Variants in ENPP7 observed in about 807,000 individuals in gnomAD.
ENPP7 encodes the protein ectonucleotide pyrophosphatase/phosphodiesterase family member 7.
Under a neutral mutation model 33.6 loss-of-function variants are expected in ENPP7, and 39 were observed. The observed-to-expected ratio is 1.16, with a 90% CI of 0.90 to 1.52. The LOEUF (loss-of-function observed/expected upper bound fraction) is 1.52, where lower values mean the gene tolerates loss of function less well. Ranked by LOEUF, ENPP7 falls within the 40% of genes most tolerant of loss-of-function variation. The probability of loss-of-function intolerance (pLI) is 0.00; values close to 1 mark genes in which losing one functional copy is unlikely to be tolerated. For missense variants in ENPP7, 594 were observed against 641.0 expected (o/e 0.93, Z 0.79); for synonymous variants, 244 against 274.3 (o/e 0.89, Z 1.09).
rs906007598 is a variant in ENPP7 at position 79,735,596 on chromosome 17, C to T, written c.953C>T (p.Ala318Val). The T allele has an allele frequency of 3.7e-6, 6 of 1,613,734 alleles. No homozygotes were observed. Among genetic ancestry groups the T allele is most frequent in the Non-Finnish European group, 5.1e-6 (6 of 1,180,028 alleles). The change falls in exon 3 of 6, where the codon GCC (alanine) becomes GTC (valine). Residue 318 changes from alanine to valine, a missense_variant. Physicochemically the swap from Ala to Val is moderately conservative, Grantham distance 64. Around this residue, in one of 3 missense-constraint regions of ENPP7, gnomAD observed 504 missense variants for 512.8 expected, o/e 0.98. Coordinates refer to ENST00000328313, the MANE Select transcript of ENPP7 (RefSeq NM_178543.5). This position sits in a 1 kb window ranked among gnomAD's most constrained non-coding sequence, Gnocchi z 5.5. ...HVYKKEAFPE[A>V]FHYANNPRVT... ...TACAAGAAGGAGGCGTTCCCCGAGG[C>T]CTTCCACTACGCCAACAACCCCAGG...
At chr17:79,734,329 C>T (rs1303329660) in intron 2 of ENPP7, among the ~76,000 whole-genome samples, 2 of 152,212 alleles carry the variant, frequency 1.3e-5, no homozygotes, top group Non-Finnish European at 2.9e-5. Flanking sequence ...CATAGACACA[C>T]TCAGGGCTCC....
intron 3 of ENPP7, among the ~76,000 whole-genome samples, chr17:79,736,334 T>C (rs2094295704): frequency 6.6e-6 from 1 of 152,238 alleles, no homozygotes; most frequent in African/African-American, 2.4e-5. Flanking sequence ...CCACTGCGTC[T>C]GGCCTCTCCT....
chr17:79,732,053 G>A (rs1467153769), intron 1 of ENPP7, among the ~76,000 whole-genome samples: 7 of 145,338 alleles, frequency 4.8e-5, no homozygotes, highest in African/African-American at 1.8e-4. Flanking sequence ...AGCTGAGATC[G>A]CACCACTGCA....
Position 79,737,098 on chromosome 17 carries a change from A to T in ENPP7, c.1084A>T (p.Met362Leu). 1.2e-6 allele frequency: 2 copies of T among 1,614,188 alleles called. No individual in the cohort carries two copies. The highest frequency in any genetic ancestry group is 1.7e-6 in the Non-Finnish European group (2 of 1,180,030). The change falls in exon 4 of 6, where the codon ATG becomes TTG. Residue 362 changes from methionine (M) to leucine (L), a missense_variant. Met to Leu is a conservative substitution (Grantham distance 15). Transcript: ENST00000328313. This position sits in a 1 kb window ranked among gnomAD's most constrained non-coding sequence, Gnocchi z 5.5. Reference sequence around the variant, plus strand: ...CGGCTTTGACAACAAGGACATGGACATGAAGACCATCTTCCGCGCTGTGGG... The same window carrying T: ...CGGCTTTGACAACAAGGACATGGACTTGAAGACCATCTTCCGCGCTGTGGG... Reference protein sequence around the residue: ...EHGFDNKDMDMKTIFRAVGPS... With the variant: ...EHGFDNKDMDLKTIFRAVGPS...
At chr17:79,741,565 C>T (rs942526741) in intron 5 of ENPP7, among the ~76,000 whole-genome samples, 1 of 152,070 alleles carries the variant, frequency 6.6e-6, no homozygotes, top group Non-Finnish European at 1.5e-5. Flanking sequence ...ACACCTGCCC[C>T]GCACCTGTGC....
At chr17:79,733,767 G>A (rs967846459) in intron 2 of ENPP7, 114 bp downstream of exon 2, 59 of 1,142,526 alleles carry the variant, frequency 5.2e-5, no homozygotes, top group East Asian at 1.0e-4. Flanking sequence ...CCAGGGTCTC[G>A]GGGCTCCTGG....
At chr17:79,736,536 C>CACGTGTGTGTGT (rs1317944325) in intron 3 of ENPP7, among the ~76,000 whole-genome samples, 32 of 146,116 alleles carry the variant, frequency 2.2e-4, no homozygotes, top group African/African-American at 8.0e-4. Context: ...GTGTGATAGG[C>CACGTGTGTGTGT]GTGTGTGTGT....
At position 79,735,172 on chromosome 17, in the gene ENPP7, G is replaced by T. The variant is rs201376309; in HGVS notation, c.529G>T (p.Asp177Tyr). The change falls in exon 3 of 6, where the codon GAC becomes TAC. Residue 177 changes from aspartate to tyrosine, a missense_variant. Coordinates refer to ENST00000328313, the MANE Select transcript of ENPP7 (RefSeq NM_178543.5). This position sits in a 1 kb window ranked among gnomAD's most constrained non-coding sequence, Gnocchi z 5.5. ...KNETEWRANI[D>Y]TVMAWFTEED... ...TGAGACGGAGTGGAGAGCGAACATC[G>T]ACACAGTGATGGCGTGGTTCACAGA... 1 of 1,613,258 alleles carries T rather than the reference G, an allele frequency of 6.2e-7. No individual in the cohort carries two copies. The highest frequency in any genetic ancestry group is 8.5e-7 in the Non-Finnish European group (1 of 1,180,018).
intron 1 of ENPP7, among the ~76,000 whole-genome samples, chr17:79,732,132 G>A (rs186781436): frequency 0.41 from 17,754 of 43,382 alleles, 3,352 homozygotes; most frequent in Non-Finnish European, 0.46. Flanking sequence ...ATATATATAT[G>A]TATATATATA....
chr17:79,731,422 G>A (rs1358121228), intron 1 of ENPP7, 30 bp downstream of exon 1: 2 of 1,586,648 alleles, frequency 1.3e-6, no homozygotes, highest in African/African-American at 2.7e-5. Context: ...GGGGCCTGGG[G>A]GTGGGAGGGC....
rs1555823185 is a variant in ENPP7, at chr17:79,735,038, G to A, written c.400-5G>A. On this transcript the variant is annotated splice_region_variant and splice_polypyrimidine_tract_variant and intron_variant, in intron 2 of 5. Transcript: ENST00000328313. This position sits in a 1 kb window ranked among gnomAD's most constrained non-coding sequence, Gnocchi z 5.5. ...TCCTGTCTTTCACGCTGCCTTGTCT[G>A]GCAGGGCCTGAGGGCTGGCTCCTTC... 2 of 1,612,102 alleles carry A rather than the reference G, an allele frequency of 1.2e-6. No homozygotes were observed. The highest frequency in any genetic ancestry group is 1.7e-6 in the Non-Finnish European group (2 of 1,179,370).
Position 79,733,501 on chromosome 17 carries a change from C to A in ENPP7, c.254-7C>A. ...CCCGCCGCCCTCTGCACCTCTTCCTCCCTCAGGCAAATATATCGAGAACCA... is the reference window on the plus strand; with the variant it reads ...CCCGCCGCCCTCTGCACCTCTTCCTACCTCAGGCAAATATATCGAGAACCA... On this transcript the variant is annotated splice_region_variant and splice_polypyrimidine_tract_variant and intron_variant, in intron 1 of 5. Coordinates refer to ENST00000328313, the MANE Select transcript of ENPP7 (RefSeq NM_178543.5). 2 of 1,612,200 alleles carry A rather than the reference C, an allele frequency of 1.2e-6. No homozygotes were observed. The highest frequency in any genetic ancestry group is 8.5e-7 in the Non-Finnish European group (1 of 1,179,316).
chr17:79,734,795 AC>A (rs782490522), intron 2 of ENPP7, among the ~76,000 whole-genome samples: 1 of 152,052 alleles, frequency 6.6e-6, no homozygotes, highest in Non-Finnish European at 1.5e-5. Flanking sequence ...ACATCTTTAT[AC>A]TGATGTCTTG....
At position 79,737,032 on chromosome 17, in the gene ENPP7, C is replaced by A; in HGVS notation, c.1027-9C>A. 1 of 1,613,560 alleles carries A rather than the reference C, an allele frequency of 6.2e-7. No homozygotes were observed. The highest frequency in any genetic ancestry group is 8.5e-7 in the Non-Finnish European group (1 of 1,179,702). On this transcript the variant is annotated splice_polypyrimidine_tract_variant and intron_variant, in intron 3 of 5. Transcript: ENST00000328313. This position sits in a 1 kb window ranked among gnomAD's most constrained non-coding sequence, Gnocchi z 5.5. ...CAAGGACCCAGGACCCTTGCCCGCT[C>A]CCCGGCAGAGAATTAACGTCCAGTT...
At chr17:79,741,512 A>T (rs1262174332) in intron 5 of ENPP7, among the ~76,000 whole-genome samples, 2 of 149,044 alleles carry the variant, frequency 1.3e-5, no homozygotes, top group African/African-American at 4.9e-5. Context: ...CAGCCCTGGG[A>T]GAAGGGTCTG....
In ENPP7 at chr17:79,735,216, C is replaced by T; in HGVS notation, c.573C>T (p.Val191=). ...AWFTEEDLDL[V]TLYFGEPDST... ...TCACAGAGGAGGACCTGGATCTGGTCACACTCTACTTCGGGGAGCCGGACT... is the reference window on the plus strand; with the variant it reads ...TCACAGAGGAGGACCTGGATCTGGTTACACTCTACTTCGGGGAGCCGGACT... Residue 191 remains valine (V), a synonymous_variant, in exon 3 of 6, where the codon GTC becomes GTT. Coordinates refer to ENST00000328313, the MANE Select transcript of ENPP7 (RefSeq NM_178543.5). This position sits in a 1 kb window ranked among gnomAD's most constrained non-coding sequence, Gnocchi z 5.5. 6.2e-7 allele frequency: 1 copy of T among 1,613,438 alleles called. No homozygotes were observed. Among genetic ancestry groups the T allele is most frequent in the Non-Finnish European group, 8.5e-7 (1 of 1,180,026 alleles).
In ENPP7 at chr17:79,735,544, A is replaced by G. The variant is rs1555823412; in HGVS notation, c.901A>G (p.Lys301Glu). Residue 301 changes from lysine to glutamate, a missense_variant, in exon 3 of 6, where the codon AAG (lysine) becomes GAG (glutamate). Lys to Glu is a moderately conservative substitution (Grantham distance 56). Transcript: ENST00000328313. This position sits in a 1 kb window ranked among gnomAD's most constrained non-coding sequence, Gnocchi z 5.5. ...GCTGGAGAAGGTGTACGATGCCCTC[A>G]AGGACGCCCACCCCAAGCTCCACGT... ...GRLEKVYDAL[K>E]DAHPKLHVYK... 6.2e-7 allele frequency: 1 copy of G among 1,613,888 alleles called. No homozygotes were observed. Among genetic ancestry groups the G allele is most frequent in the South Asian group, 1.1e-5 (1 of 91,088 alleles).
rs1476700770 is a variant in ENPP7, at chr17:79,738,269, G to C, written c.*16+207G>C. The C allele has an allele frequency of 3.5e-6, 2 of 566,324 alleles. No homozygotes were observed. The highest frequency in any genetic ancestry group is 6.0e-5 in the East Asian group (2 of 33,368). The allele number at this position is 566,324 out of a possible 1,614,324, so 35.1% of individuals were successfully genotyped here. A position where few individuals can be genotyped will look rare whatever the true frequency, so the allele number is the denominator to read the frequency against. On this transcript the variant is annotated intron_variant, in intron 5 of 5. Coordinates refer to ENST00000328313, the MANE Select transcript of ENPP7 (RefSeq NM_178543.5). This position sits in a 1 kb window ranked among gnomAD's most constrained non-coding sequence, Gnocchi z 6.2. ...TTCCAGCCTCTCTGCTCTGGGCTTG[G>C]AGGAGGTCTTTCCAGAGCAGACCAC... is the stretch of plus-strand genomic sequence containing the variant.
Position 79,735,540 on chromosome 17 carries a change from C to T in ENPP7, c.897C>T (p.Ala299=). The T allele has an allele frequency of 6.2e-7, 1 of 1,613,482 alleles. No homozygotes were observed. The highest frequency in any genetic ancestry group is 8.5e-7 in the Non-Finnish European group (1 of 1,179,896). Residue 299 remains alanine (A), a synonymous_variant, in exon 3 of 6, where the codon GCC becomes GCT. Coordinates refer to ENST00000328313, the MANE Select transcript of ENPP7 (RefSeq NM_178543.5). This position sits in a 1 kb window ranked among gnomAD's most constrained non-coding sequence, Gnocchi z 5.5. ...GGAGGCTGGAGAAGGTGTACGATGC[C>T]CTCAAGGACGCCCACCCCAAGCTCC... ...KEGRLEKVYD[A]LKDAHPKLHV... is the part of the protein sequence containing the mutation.
Sources: allele counts gnomAD v4.1 joint callset (sites outside exome capture counted in the v4.1 genomes callset), GRCh38; gene constraint gnomAD v4.1.1; regional missense constraint gnomAD v4.1.1; non-coding constraint Gnocchi (gnomAD v3.1); transcripts MANE v1.5; gene names NCBI Gene and HGNC (gene_info 2026-07-23, HGNC 2026-07-21).